Variants in DCST2 observed in about 807,000 individuals in gnomAD.
The protein encoded by DCST2 is DC-STAMP domain-containing protein 2.
Under a neutral mutation model 81.8 loss-of-function variants are expected in DCST2, and 64 were observed. That is an observed-to-expected ratio of 0.78 (90% CI 0.64 to 0.96). The LOEUF is 0.96. Ranked by LOEUF, DCST2 falls within the 40% of genes least tolerant of loss-of-function variation. DCST2 has a pLI of 0.00. For missense variants in DCST2, 945 were observed against 1,001.4 expected (o/e 0.94, Z 0.76); for synonymous variants, 354 against 402.6 (o/e 0.88, Z 1.44).
intron 1 of DCST2, 66 bp from the exon 2 acceptor site, chr1:155,033,330 A>G: frequency 6.3e-7 from 1 of 1,586,460 alleles, no homozygotes; most frequent in Non-Finnish European, 8.6e-7. Flanking sequence ...TCCCTTACAT[A>G]AGCCTTCAGA....
intron 8 of DCST2, among the ~76,000 whole-genome samples, chr1:155,026,981 G>A (rs941976745): frequency 1.3e-5 from 2 of 151,984 alleles, no homozygotes; most frequent in Non-Finnish European, 2.9e-5. Context: ...GACCTTAATG[G>A]TCAGTGAGTC....
At chr1:155,033,342 T>A in intron 1 of DCST2, 78 bp from the exon 2 acceptor site, 1 of 1,585,026 alleles carries the variant, frequency 6.3e-7, no homozygotes, top group East Asian at 2.2e-5. Context: ...GCCTTCAGAA[T>A]ATTTCCCTTA....
At position 155,032,648 on chromosome 1, in the gene DCST2, G is replaced by C; in HGVS notation, c.541+19C>G. The C allele has an allele frequency of 6.2e-7, 1 of 1,610,306 alleles. No individual in the cohort carries two copies. The highest frequency in any genetic ancestry group is 8.5e-7 in the Non-Finnish European group (1 of 1,176,954). On this transcript the variant is annotated intron_variant, in intron 3 of 14. Coordinates refer to ENST00000368424, the MANE Select transcript of DCST2 (RefSeq NM_144622.3). The stretch of plus-strand genomic sequence containing the variant: ...GGGTGCATTTTGAGTCCCCGGGATA[G>C]ACATGCTAATGTGCTTACCTATGTG...
chr1:155,024,331 T>C, intron 11 of DCST2, 141 bp downstream of exon 11: 2 of 1,193,306 alleles, frequency 1.7e-6, no homozygotes. Context: ...ATTCCCACCT[T>C]TCACAGCGTT....
At chr1:155,029,933 C>G in intron 7 of DCST2, 151 bp downstream of exon 7, 2 of 1,231,372 alleles carry the variant, frequency 1.6e-6, no homozygotes, top group Non-Finnish European at 1.1e-6. Flanking sequence ...CCTGAAAGTT[C>G]CTTAAGCTCT....
chr1:155,022,504 G>A (rs1659783411), intron 14 of DCST2, among the ~76,000 whole-genome samples: 1 of 152,200 alleles, frequency 6.6e-6, no homozygotes, highest in Admixed American at 6.5e-5. Context: ...GCCAAGGCGA[G>A]AGGATGGTTT....
In DCST2 at chr1:155,033,725, C is replaced by T. The variant is rs779001410; in HGVS notation, c.-24G>A. The T allele has an allele frequency of 5.0e-6, 8 of 1,605,544 alleles. No individual in the cohort carries two copies. The highest frequency in any genetic ancestry group is 1.7e-4 in the Middle Eastern group (1 of 6,014). On this transcript the variant is annotated 5_prime_UTR_variant, in exon 1 of 15. Coordinates refer to ENST00000368424, the MANE Select transcript of DCST2 (RefSeq NM_144622.3). ...ATGGCTGCTGAGACCAAATGTCTGC[C>T]TGTCTCCAGGAGATGCCCGCTGACT... is the stretch of plus-strand genomic sequence containing the variant.
In DCST2 at chr1:155,033,236, A is replaced by G; in HGVS notation, c.297T>C (p.Ala99=). ...GCCCTTGAAGCACCAACCCAAAAGC[A>G]GCCACCAACAGTAGTGTCCGGCCCT... ...SRQGRTLLLV[A]AFGLVLQGPC... Residue 99 remains alanine (A), a synonymous_variant, in exon 2 of 15, where the codon GCT becomes GCC. Transcript: ENST00000368424. 1 of 1,613,810 alleles carries G rather than the reference A, an allele frequency of 6.2e-7. No individual in the cohort carries two copies. The highest frequency in any genetic ancestry group is 2.2e-5 in the East Asian group (1 of 44,884).
In DCST2 at chr1:155,029,296, A is replaced by T. The variant is rs1348264563; in HGVS notation, c.1279T>A (p.Tyr427Asn). 1.9e-6 allele frequency: 3 copies of T among 1,614,144 alleles called. No homozygotes were observed. The highest frequency in any genetic ancestry group is 1.1e-5 in the South Asian group (1 of 91,086). The stretch of plus-strand genomic sequence containing the variant: ...AGGTCAAGCACCCAGAAGACAGCAT[A>T]GTCTAGGAAGACTAGGAACAGCACG... ...LLVLFLVFLDYAVFWVLDLAR... is the reference protein window; with the variant it reads ...LLVLFLVFLDNAVFWVLDLAR... Residue 427 changes from tyrosine to asparagine, a missense_variant, in exon 8 of 15, where the codon TAT (tyrosine) becomes AAT (asparagine). Coordinates refer to ENST00000368424, the MANE Select transcript of DCST2 (RefSeq NM_144622.3).
chr1:155,029,445 C>A, intron 7 of DCST2, 48 bp from the exon 8 acceptor site: 1 of 1,588,058 alleles, frequency 6.3e-7, no homozygotes, highest in Non-Finnish European at 8.6e-7. Context: ...GTTCTCCCGT[C>A]CACCAGATCC....
chr1:155,020,613 C>T (rs1396720329), intron 14 of DCST2, among the ~76,000 whole-genome samples: 1 of 152,006 alleles, frequency 6.6e-6, no homozygotes, highest in Non-Finnish European at 1.5e-5. Context: ...GTGATCTGCC[C>T]GCCTCAGCCT....
rs200036164 is a variant in DCST2 at position 155,033,625 on chromosome 1, C to G, written c.77G>C (p.Ser26Thr). 216 of 1,614,106 alleles carry G rather than the reference C, an allele frequency of 1.3e-4. No individual in the cohort carries two copies. Among genetic ancestry groups the G allele is most frequent in the Admixed American group, 2.5e-4 (15 of 60,012 alleles). Reference sequence around the variant, plus strand: ...CAAGCCCAGGGTAAAACCTCCCACGCTGCGAACCACAGCTCTCGCCATGCT... The same window carrying G: ...CAAGCCCAGGGTAAAACCTCCCACGGTGCGAACCACAGCTCTCGCCATGCT... ...EPSMARAVVR[S>T]VGGFTLGLSL... The change falls in exon 1 of 15, where the codon AGC (serine) becomes ACC (threonine). Residue 26 changes from serine to threonine, a missense_variant. Coordinates refer to ENST00000368424, the MANE Select transcript of DCST2 (RefSeq NM_144622.3).
intron 5 of DCST2, 101 bp downstream of exon 5, chr1:155,031,068 C>G: frequency 7.9e-7 from 1 of 1,267,914 alleles, no homozygotes; most frequent in Non-Finnish European, 1.1e-6. Flanking sequence ...CTTACATTCT[C>G]CTTTATGGGC....
At chr1:155,019,975 G>A (rs1035977866) in intron 14 of DCST2, among the ~76,000 whole-genome samples, 2 of 152,154 alleles carry the variant, frequency 1.3e-5, no homozygotes, top group Non-Finnish European at 2.9e-5. Context: ...CTCAGCAGGT[G>A]CTCTTGCCTC....
intron 10 of DCST2, among the ~76,000 whole-genome samples, chr1:155,025,676 C>G (rs563397356): frequency 2.0e-5 from 3 of 151,512 alleles, no homozygotes; most frequent in Admixed American, 2.0e-4. Flanking sequence ...CTGCCCCCAC[C>G]TCACCACCAT....
chr1:155,018,624 C>T lies in DCST2; in HGVS notation c.2242G>A (p.Ala748Thr). Residue 748 changes from alanine (A) to threonine (T), a missense_variant, in exon 15 of 15, where the codon GCC (alanine) becomes ACC (threonine). By Grantham distance (58) the Ala-to-Thr change is moderately conservative. Coordinates refer to ENST00000368424, the MANE Select transcript of DCST2 (RefSeq NM_144622.3). ...PPETSSATKG[A>T]PTPASEPSVP... ...GAGGGTTCTGAAGCTGGAGTGGGGG[C>T]TCCTTTAGTGGCGGAGGATGTCTCA... is the stretch of plus-strand genomic sequence containing the variant. 3 of 1,613,564 alleles carry T rather than the reference C, an allele frequency of 1.9e-6. No homozygotes were observed. The highest frequency in any genetic ancestry group is 2.5e-6 in the Non-Finnish European group (3 of 1,179,808).
At chr1:155,032,114 C>T (rs1660108176) in intron 3 of DCST2, among the ~76,000 whole-genome samples, 1 of 152,198 alleles carries the variant, frequency 6.6e-6, no homozygotes, top group Admixed American at 6.5e-5. Context: ...CTGCCTCAGC[C>T]TCCTGAGTAG....
At chr1:155,021,487 C>T (rs1168901649) in intron 14 of DCST2, among the ~76,000 whole-genome samples, 1 of 151,870 alleles carries the variant, frequency 6.6e-6, no homozygotes, top group Non-Finnish European at 1.5e-5. Context: ...AGCCTCTCCC[C>T]TCCCTGTCCC....
chr1:155,031,954 A>G lies in DCST2; in HGVS notation c.542-183T>C, dbSNP rs146381626. On this transcript the variant is annotated intron_variant, in intron 3 of 14. Coordinates refer to ENST00000368424, the MANE Select transcript of DCST2 (RefSeq NM_144622.3). ...GCCCAAAAAACCCTGGACAGGGTAC[A>G]GGTGAGGAGACTGAATTTTTTTGTT... 5.9e-5 allele frequency among the ~76,000 whole-genome samples: 9 copies of G among 152,300 alleles called. 1 individual carries two copies. Among genetic ancestry groups the G allele is most frequent in the African/African-American group, 2.2e-4 (9 of 41,570 alleles).
Sources: gnomAD v4.1 joint callset for allele counts (sites outside exome capture counted in the v4.1 genomes callset) on GRCh38, gnomAD v4.1.1 for gene constraint, MANE v1.5 for transcripts, NCBI Gene and HGNC (gene_info 2026-07-23, HGNC 2026-07-21) for gene names.